Variants in TSHR observed in about 807,000 individuals in gnomAD.
TSHR encodes thyrotropin receptor.
A neutral mutation model predicts 64.1 loss-of-function variants in TSHR; 51 were observed. That is an observed-to-expected ratio of 0.80 (90% CI 0.64 to 1.01). The LOEUF is 1.01. Among genes scored for constraint, TSHR ranks in the 50% least tolerant of loss-of-function variants. The pLI, the probability that TSHR is intolerant of heterozygous loss-of-function variation, is 0.00. For synonymous variants in TSHR, 361 were observed against 361.9 expected (o/e 1.00, Z 0.03); for missense variants, 877 against 942.8 (o/e 0.93, Z 0.91).
chr14:80,993,537 T>C (rs1317507755), intron 1 of TSHR: 2 of 152,210 alleles, frequency 1.3e-5, no homozygotes, highest in Non-Finnish European at 2.9e-5. Flanking sequence ...ACTCCTAATA[T>C]ATACATTTAT....
chr14:81,038,957 G>A (rs1884790018), intron 1 of TSHR, among the ~76,000 whole-genome samples: 1 of 151,482 alleles, frequency 6.6e-6, no homozygotes, highest in Non-Finnish European at 1.5e-5. Context: ...GAATTCTACT[G>A]AATATTTAAA....
chr14:81,108,111 C>G (rs1890017904), intron 7 of TSHR, among the ~76,000 whole-genome samples: 1 of 152,070 alleles, frequency 6.6e-6, no homozygotes, highest in African/African-American at 2.4e-5. Flanking sequence ...ATTAAAACAA[C>G]TTTTAAGAAA....
rs10528934 is a variant in TSHR, at chr14:81,067,927, C to CTATATATATATATATATATATATATA, written c.243-325_243-300dup. Among the ~76,000 whole-genome samples the CTATATATATATATATATATATATATA allele has an allele frequency of 5.9e-3, 560 of 95,472 alleles. 22 individuals carry two copies. Among genetic ancestry groups the CTATATATATATATATATATATATATA allele is most frequent in the African/African-American group, 0.013 (224 of 16,774 alleles). 62.6% of individuals were successfully genotyped at this position (95,472 alleles called of 152,430 possible). The stretch of plus-strand genomic sequence containing the variant: ...TAGTGGAACATTCCACAGGGTGACA[C>CTATATATATATATATATATATATATA]TATATATATATATATATATATATAT... On this transcript the variant is annotated intron_variant, in intron 2 of 9. Coordinates refer to ENST00000298171, the MANE Select transcript of TSHR (RefSeq NM_000369.5).
At chr14:81,139,467 G>A (rs893036506) in intron 8 of TSHR, among the ~76,000 whole-genome samples, 2 of 152,162 alleles carry the variant, frequency 1.3e-5, no homozygotes, top group Non-Finnish European at 2.9e-5. Flanking sequence ...TTGTACTACT[G>A]GATACTGGAA....
In TSHR at chr14:81,061,211, C is replaced by T. The variant is rs562823058; in HGVS notation, c.171-937C>T. On this transcript the variant is annotated intron_variant, in intron 1 of 9. Transcript: ENST00000298171. ...TATTTTTAATCCTTAAGATTTAAAA[C>T]ATGCATTTAATTCTTTTAAAGATGT... Among the ~76,000 whole-genome samples the T allele has an allele frequency of 5.3e-5, 8 of 152,242 alleles. No individual in the cohort carries two copies. The South Asian group carries it at 1.4e-3, about 28-fold the overall frequency.
intron 1 of TSHR, chr14:81,001,106 A>G (rs2268463): frequency 0.13 from 21,366 of 165,010 alleles, 1,764 homozygotes; most frequent in East Asian, 0.38. Context: ...TGAGAAGCTG[A>G]GAACTAACTT....
intron 1 of TSHR, among the ~76,000 whole-genome samples, chr14:81,037,945 A>AAAAAAC (rs1366321144): frequency 1.3e-5 from 2 of 151,838 alleles, no homozygotes; most frequent in Non-Finnish European, 2.9e-5. Context: ...AAAAAAAAAA[A>AAAAAAC]CACTGGATTT....
intron 8 of TSHR, among the ~76,000 whole-genome samples, chr14:81,126,483 G>A (rs1891025704): frequency 6.6e-6 from 1 of 152,132 alleles, no homozygotes; most frequent in South Asian, 2.1e-4. Flanking sequence ...AAACTAGATA[G>A]CTTTTCTTCT....
intron 1 of TSHR, among the ~76,000 whole-genome samples, chr14:80,999,338 A>G (rs200026568): frequency 1.3e-5 from 2 of 152,148 alleles, no homozygotes; most frequent in East Asian, 3.8e-4. Context: ...CTACTTAAAG[A>G]CTTTCCTCCT....
intron 1 of TSHR, among the ~76,000 whole-genome samples, chr14:80,973,228 AC>A (rs1236099905): frequency 2.0e-5 from 3 of 151,806 alleles, no homozygotes; most frequent in Non-Finnish European, 4.4e-5. Flanking sequence ...ACACAGTGAA[AC>A]CCCGTCTCTA....
At chr14:81,061,832 C>G (rs535548262) in intron 1 of TSHR, among the ~76,000 whole-genome samples, 10 of 151,926 alleles carry the variant, frequency 6.6e-5, no homozygotes, top group Admixed American at 1.3e-4. Context: ...AATAAAAAGA[C>G]CCCCCAAAAA....
chr14:81,142,372 G>A (rs1336560916), intron 9 of TSHR, among the ~76,000 whole-genome samples: 1 of 151,920 alleles, frequency 6.6e-6, no homozygotes, highest in African/African-American at 2.4e-5. Flanking sequence ...ACAGGTGTGA[G>A]CCAGCACACT....
At chr14:80,995,333 A>T (rs1032659329) in intron 1 of TSHR, 1 of 152,210 alleles carries the variant, frequency 6.6e-6, no homozygotes, top group African/African-American at 2.4e-5. Flanking sequence ...ATTACTGGAT[A>T]TATACCCACA....
At chr14:81,114,705 G>A (rs1890407071) in intron 8 of TSHR, among the ~76,000 whole-genome samples, 1 of 152,200 alleles carries the variant, frequency 6.6e-6, no homozygotes, top group African/African-American at 2.4e-5. Flanking sequence ...GCCTGCCTCT[G>A]TAGGCTCCAC....
intron 1 of TSHR, chr14:80,993,327 T>C (rs1232182922): frequency 6.6e-6 from 1 of 151,826 alleles, no homozygotes; most frequent in Non-Finnish European, 1.5e-5. Context: ...ATCCTGTCTG[T>C]ACTTAGCATA....
intron 1 of TSHR, among the ~76,000 whole-genome samples, chr14:81,005,381 A>G (rs1193496711): frequency 6.6e-6 from 1 of 152,176 alleles, no homozygotes; most frequent in Admixed American, 6.5e-5. Flanking sequence ...TATAAAACAA[A>G]CACACAAAAA....
intron 1 of TSHR, among the ~76,000 whole-genome samples, chr14:81,046,763 C>T (rs1322539163): frequency 6.6e-6 from 1 of 152,110 alleles, no homozygotes; most frequent in Non-Finnish European, 1.5e-5. Flanking sequence ...CAGGACATAT[C>T]ATAATCAAAC....
At chr14:80,983,382 C>A (rs1888273686) in intron 1 of TSHR, 2 of 1,130,040 alleles carry the variant, frequency 1.8e-6, no homozygotes, top group African/African-American at 1.6e-5. Flanking sequence ...AACCAGACAT[C>A]TTGTTTTGAA....
At chr14:81,132,129 C>T (rs1000088965) in intron 8 of TSHR, among the ~76,000 whole-genome samples, 4 of 152,152 alleles carry the variant, frequency 2.6e-5, no homozygotes, top group Non-Finnish European at 5.9e-5. Flanking sequence ...GTATTTTAAA[C>T]AGTAAATTAA....
Sources: gnomAD v4.1 joint callset for allele counts (sites outside exome capture counted in the v4.1 genomes callset) on GRCh38, gnomAD v4.1.1 for gene constraint, MANE v1.5 for transcripts, NCBI Gene and HGNC (gene_info 2026-07-23, HGNC 2026-07-21) for gene names.